The following DOCK2 variants were observed in gnomAD, a reference collection of about 807,000 sequenced individuals.
DOCK2 encodes the protein dedicator of cytokinesis protein 2.
A neutral mutation model predicts 248.9 loss-of-function variants in DOCK2; 87 were observed. That is an observed-to-expected ratio of 0.35 (90% confidence interval 0.29 to 0.42). The LOEUF (loss-of-function observed/expected upper bound fraction) is 0.42, where lower values mean the gene tolerates loss of function less well. DOCK2 is among the 10% of genes least tolerant of loss of function. The pLI, the probability that DOCK2 is intolerant of heterozygous loss-of-function variation, is 1.00. For synonymous variants in DOCK2, 805 were observed against 821.6 expected (o/e 0.98, Z 0.35); for missense variants, 1,747 against 2,300.2 (o/e 0.76, Z 4.92).
chr5:169,640,420 T>G (rs1239020241), intron 1 of DOCK2, among the ~76,000 whole-genome samples: 1 of 152,238 alleles, frequency 6.6e-6, no homozygotes, highest in Non-Finnish European at 1.5e-5. Flanking sequence ...TTTCTGCTAC[T>G]GCATCTTGGG....
intron 46 of DOCK2, among the ~76,000 whole-genome samples, chr5:170,069,898 CCT>C (rs923183042): frequency 3.3e-5 from 5 of 152,034 alleles, no homozygotes; most frequent in African/African-American, 1.2e-4. Context: ...TCTGTCTTTC[CCT>C]CTCTCTCTTA....
chr5:169,840,585 C>CGAT (rs10684419), intron 26 of DOCK2, among the ~76,000 whole-genome samples, 172 bp from the exon 27 acceptor site: 55,099 of 148,008 alleles, frequency 0.37, 11,427 homozygotes, highest in African/African-American at 0.58. Context: ...GGAGATATGG[C>CGAT]GATGATGATG....
chr5:170,029,293 C>T (rs1346362772), intron 34 of DOCK2, among the ~76,000 whole-genome samples: 1 of 152,180 alleles, frequency 6.6e-6, no homozygotes, highest in Non-Finnish European at 1.5e-5. Flanking sequence ...AATGATATCT[C>T]ATTGTGGTTT....
At chr5:169,999,513 C>T (rs983494039) in intron 30 of DOCK2, among the ~76,000 whole-genome samples, 2 of 152,172 alleles carry the variant, frequency 1.3e-5, no homozygotes, top group Non-Finnish European at 2.9e-5. Context: ...CCTTGATAAA[C>T]AGGACAGGAG....
chr5:170,083,062 A>G lies in DOCK2; in HGVS notation c.*204A>G. ...TCCCCTGGGGCTGTGATCATGGTGGATGAGGAAGCCTCAACGTAGATTCCT... is the reference window on the plus strand; with the variant it reads ...TCCCCTGGGGCTGTGATCATGGTGGGTGAGGAAGCCTCAACGTAGATTCCT... On this transcript the variant is annotated 3_prime_UTR_variant, in exon 52 of 52. Coordinates refer to ENST00000520908, the MANE Select transcript of DOCK2 (RefSeq NM_004946.3). The G allele has an allele frequency of 4.9e-6, 3 of 607,486 alleles. No individual in the cohort carries two copies. Among genetic ancestry groups the G allele is most frequent in the Non-Finnish European group, 8.5e-6 (3 of 351,214 alleles). 37.6% of individuals were successfully genotyped at this position (607,486 alleles called of 1,614,324 possible).
chr5:169,999,117 G>A (rs1754746408), intron 30 of DOCK2, among the ~76,000 whole-genome samples: 1 of 152,218 alleles, frequency 6.6e-6, no homozygotes. Context: ...TATTTTCCAA[G>A]AGAAGCTCAA....
intron 22 of DOCK2, among the ~76,000 whole-genome samples, chr5:169,727,067 CAAAAAA>C (rs796894886): frequency 1.1e-5 from 1 of 89,328 alleles, no homozygotes; most frequent in African/African-American, 4.3e-5. Flanking sequence ...GACCCTGTCT[CAAAAAA>C]AAAAAAAAGA....
intron 27 of DOCK2, among the ~76,000 whole-genome samples, chr5:169,948,245 G>T (rs1301309611): frequency 1.3e-5 from 2 of 152,138 alleles, no homozygotes; most frequent in Admixed American, 6.5e-5. Flanking sequence ...GCAGATGAAG[G>T]CCCTGCTCTC....
rs1561828965 is a variant in DOCK2 at position 169,925,578 on chromosome 5, T to TAAAAAAAAAAAAAAAAA, written c.2800-57490_2800-57489insAAAAAAAAAAAAAAAAA. 1.1e-3 allele frequency among the ~76,000 whole-genome samples: 37 copies of TAAAAAAAAAAAAAAAAA among 32,320 alleles called. 9 individuals are homozygous for TAAAAAAAAAAAAAAAAA. Among genetic ancestry groups the TAAAAAAAAAAAAAAAAA allele is most frequent in the African/African-American group, 4.6e-3 (36 of 7,832 alleles). The allele number at this position is 32,320 out of a possible 152,430, so 21.2% of individuals were successfully genotyped here. A position where few individuals can be genotyped will look rare whatever the true frequency, so the allele number is the denominator to read the frequency against. The stretch of plus-strand genomic sequence containing the variant: ...CTGGGCGACAGAGCAAGACTCTGTC[T>TAAAAAAAAAAAAAAAAA]TAAAAAAAAAAAAAAAAAAAAAAAA... On this transcript the variant is annotated intron_variant, in intron 27 of 51. Coordinates refer to ENST00000520908, the MANE Select transcript of DOCK2 (RefSeq NM_004946.3).
chr5:170,079,257 G>A lies in DOCK2; in HGVS notation c.5166+111G>A, dbSNP rs142113015. ...TGGGCTTCCTGAAGCCTGCCACTGC[G>A]GTGCTATGGGTATTGCAGAGGCGGC... On this transcript the variant is annotated intron_variant, in intron 49 of 51. Coordinates refer to ENST00000520908, the MANE Select transcript of DOCK2 (RefSeq NM_004946.3). The A allele has an allele frequency of 4.2e-4, 584 of 1,388,934 alleles. 2 individuals carry two copies. In the Middle Eastern group the frequency reaches 5.9e-3, roughly 14 times the overall value. The allele number at this position is 1,388,934 out of a possible 1,614,324, so 86.0% of individuals were successfully genotyped here.
At chr5:169,808,623 C>A (rs1482012553) in intron 26 of DOCK2, among the ~76,000 whole-genome samples, 4 of 152,148 alleles carry the variant, frequency 2.6e-5, no homozygotes, top group African/African-American at 4.8e-5. Flanking sequence ...TTGTCAACTC[C>A]AGTTACTTTG....
chr5:170,020,514 C>T (rs539696613), intron 33 of DOCK2, among the ~76,000 whole-genome samples: 3 of 151,966 alleles, frequency 2.0e-5, no homozygotes, highest in Non-Finnish European at 4.4e-5. Context: ...GCATATGACA[C>T]CTATTTTCTA....
intron 25 of DOCK2, among the ~76,000 whole-genome samples, chr5:169,768,170 A>G (rs1764898169): frequency 6.6e-6 from 1 of 152,148 alleles, no homozygotes; most frequent in African/African-American, 2.4e-5. Flanking sequence ...GTTGGCCAGA[A>G]CACATCACAT....
chr5:169,922,114 G>C (rs1008650673), intron 27 of DOCK2, among the ~76,000 whole-genome samples: 1 of 152,158 alleles, frequency 6.6e-6, no homozygotes, highest in East Asian at 1.9e-4. Context: ...ATTTGAGAGA[G>C]AACGTTAACA....
intron 26 of DOCK2, among the ~76,000 whole-genome samples, chr5:169,819,867 C>G (rs1027639268): frequency 6.6e-5 from 10 of 152,216 alleles, no homozygotes; most frequent in African/African-American, 2.2e-4. Context: ...ATTCCCTTTC[C>G]TAGCCAAGTA....
intron 1 of DOCK2, among the ~76,000 whole-genome samples, chr5:169,642,980 C>T (rs1295364922): frequency 6.6e-6 from 1 of 152,098 alleles, no homozygotes; most frequent in Non-Finnish European, 1.5e-5. Flanking sequence ...ACATGGGTGC[C>T]ACAGTCTGTG....
chr5:169,852,795 G>C (rs1258816198), intron 27 of DOCK2, among the ~76,000 whole-genome samples: 1 of 152,218 alleles, frequency 6.6e-6, no homozygotes, highest in Non-Finnish European at 1.5e-5. Flanking sequence ...CATTTGTGAA[G>C]TAATGTTCAG....
intron 27 of DOCK2, among the ~76,000 whole-genome samples, chr5:169,901,043 G>A (rs1224619553): frequency 6.6e-6 from 1 of 152,164 alleles, no homozygotes; most frequent in Non-Finnish European, 1.5e-5. Flanking sequence ...TTTATAAAAC[G>A]TGCTAGATGT....
chr5:169,825,764 T>G (rs1176392821), intron 26 of DOCK2, among the ~76,000 whole-genome samples: 1 of 149,196 alleles, frequency 6.7e-6, no homozygotes, highest in Non-Finnish European at 1.5e-5. Context: ...GAACTTAAAG[T>G]ATAATAAAAA....
Sources: gnomAD v4.1 joint callset for allele counts (sites outside exome capture counted in the v4.1 genomes callset) on GRCh38, gnomAD v4.1.1 for gene constraint, MANE v1.5 for transcripts, NCBI Gene and HGNC (gene_info 2026-07-23, HGNC 2026-07-21) for gene names.